The following IGF1R variants were observed in gnomAD, a reference collection of about 807,000 sequenced individuals.
The protein encoded by IGF1R is insulin-like growth factor 1 receptor.
In IGF1R, 44 loss-of-function variants were observed where a neutral mutation model predicts 144.6. The observed-to-expected ratio is 0.30, with a 90% CI of 0.24 to 0.39. IGF1R has a LOEUF of 0.39. Ranked by LOEUF, IGF1R falls within the 10% of genes least tolerant of loss-of-function variation. IGF1R has a pLI of 1.00. For missense variants in IGF1R, 1,355 were observed against 1,833.7 expected, an observed-to-expected ratio of 0.74 and a Z score of 4.77; for synonymous variants, 795 against 722.8, an observed-to-expected ratio of 1.10 and a Z score of -1.60.
rs1177347869 is a variant in IGF1R at position 98,959,954 on chromosome 15, T to C, written c.*2512T>C. On this transcript the variant is annotated 3_prime_UTR_variant, in exon 21 of 21. Transcript: ENST00000650285. ...CTGTAGAAAAGCCCCATTATGAATT[T>C]AAATTTCAAGGAAAGGGTGTGTGTG... is the stretch of plus-strand genomic sequence containing the variant. The C allele has an allele frequency of 2.2e-5, 5 of 227,368 alleles. No individual in the cohort carries two copies. The East Asian group carries it at 3.1e-4, about 14-fold the overall frequency. 14.1% of individuals were successfully genotyped at this position (227,368 alleles called of 1,614,324 possible). A position where few individuals can be genotyped will look rare whatever the true frequency, so the allele number is the denominator to read the frequency against.
intron 1 of IGF1R, among the ~76,000 whole-genome samples, chr15:98,654,336 A>T (rs1335348657): frequency 6.6e-6 from 1 of 152,146 alleles, no homozygotes; most frequent in Non-Finnish European, 1.5e-5. Context: ...GCCTTTTTCC[A>T]AAAATTAGGA....
chr15:98,948,369 A>G (rs1182826379), intron 19 of IGF1R, among the ~76,000 whole-genome samples: 1 of 152,192 alleles, frequency 6.6e-6, no homozygotes, highest in Non-Finnish European at 1.5e-5. Context: ...CCGGGGCTGA[A>G]TTTAGTTTAC....
rs4966015 is a variant in IGF1R, at chr15:98,704,903, G to T, written c.95-2659G>T. Among the ~76,000 whole-genome samples the T allele has an allele frequency of 0.18, 27,373 of 152,046 alleles. 2,666 individuals carry two copies. Among genetic ancestry groups the T allele is most frequent in the South Asian group, 0.25 (1,195 of 4,822 alleles). ...TGTTGCTGGACTAGATATGTGAGGT[G>T]TGAGAGGAGAGAAGAATCAGGAATG... On this transcript the variant is annotated intron_variant, in intron 1 of 20. Coordinates refer to ENST00000650285, the MANE Select transcript of IGF1R (RefSeq NM_000875.5). This position sits in a 1 kb window ranked among gnomAD's most constrained non-coding sequence, Gnocchi z 4.9.
intron 5 of IGF1R, among the ~76,000 whole-genome samples, chr15:98,904,191 A>G (rs954191289): frequency 2.6e-5 from 4 of 151,788 alleles, no homozygotes; most frequent in Admixed American, 2.0e-4. Context: ...AGCCGGGACT[A>G]CAGGCGCTCA....
chr15:98,653,484 A>G (rs2052418049), intron 1 of IGF1R, among the ~76,000 whole-genome samples: 1 of 152,190 alleles, frequency 6.6e-6, no homozygotes, highest in African/African-American at 2.4e-5. Flanking sequence ...TTTTCTTTGC[A>G]GTTTTATTTT....
intron 3 of IGF1R, among the ~76,000 whole-genome samples, chr15:98,892,407 A>G (rs771395508): frequency 5.3e-5 from 8 of 150,494 alleles, no homozygotes; most frequent in Non-Finnish European, 1.2e-4. Flanking sequence ...AAAAATTAGC[A>G]CCTGTAGTCC....
At chr15:98,844,010 A>G (rs1813894823) in intron 2 of IGF1R, among the ~76,000 whole-genome samples, 2 of 152,222 alleles carry the variant, frequency 1.3e-5, no homozygotes, top group African/African-American at 4.8e-5. Context: ...TTGCTTAAAC[A>G]TTAATCAAAA....
chr15:98,698,506 TCTGA>T (rs1459164470), intron 1 of IGF1R, among the ~76,000 whole-genome samples: 1 of 152,224 alleles, frequency 6.6e-6, no homozygotes, highest in African/African-American at 2.4e-5. Context: ...TCTCCGTGAG[TCTGA>T]CTACTTTGAG....
chr15:98,651,945 A>G (rs769634074), intron 1 of IGF1R, among the ~76,000 whole-genome samples: 1 of 152,236 alleles, frequency 6.6e-6, no homozygotes, highest in Non-Finnish European at 1.5e-5. Flanking sequence ...GGAAGGTGCT[A>G]GACCACTTAA....
In IGF1R at chr15:98,891,484, A is replaced by C. The variant is rs200681134; in HGVS notation, c.800A>C (p.Asn267Thr). 45 of 1,613,970 alleles carry C rather than the reference A, an allele frequency of 2.8e-5. No individual in the cohort carries two copies. Among genetic ancestry groups the C allele is most frequent in the Non-Finnish European group, 3.7e-5 (44 of 1,180,032 alleles). The change falls in exon 3 of 21, where the codon AAC becomes ACC. Residue 267 changes from asparagine to threonine, a missense_variant. Asn to Thr is a moderately conservative substitution (Grantham distance 65). Coordinates refer to ENST00000650285, the MANE Select transcript of IGF1R (RefSeq NM_000875.5). The surrounding 1 kb of genome is among the most constrained non-coding windows in gnomAD (Gnocchi z 4.7). ...AGVCVPACPPNTYRFEGWRCV... is the reference protein window; with the variant it reads ...AGVCVPACPPTTYRFEGWRCV... Reference sequence around the variant, plus strand: ...GTCTGTGTGCCTGCCTGCCCGCCCAACACCTACAGGTTTGAGGGCTGGCGC... The same window carrying C: ...GTCTGTGTGCCTGCCTGCCCGCCCACCACCTACAGGTTTGAGGGCTGGCGC...
chr15:98,657,636 A>T (rs1381158902), intron 1 of IGF1R, among the ~76,000 whole-genome samples: 1 of 152,224 alleles, frequency 6.6e-6, no homozygotes, highest in Non-Finnish European at 1.5e-5. Flanking sequence ...GTGGATAATG[A>T]GTTCACTGCA....
intron 19 of IGF1R, among the ~76,000 whole-genome samples, chr15:98,943,535 A>T (rs906638261): frequency 6.6e-6 from 1 of 152,210 alleles, no homozygotes; most frequent in East Asian, 1.9e-4. Context: ...TTCAGTGGGC[A>T]TCCACCGTTG....
chr15:98,713,019 C>T (rs920336253), intron 2 of IGF1R, among the ~76,000 whole-genome samples: 1 of 151,572 alleles, frequency 6.6e-6, no homozygotes, highest in East Asian at 1.9e-4. Flanking sequence ...TCAACAGCTA[C>T]CCCGTGACAA....
chr15:98,829,275 C>T (rs1055568791), intron 2 of IGF1R, among the ~76,000 whole-genome samples: 7 of 151,944 alleles, frequency 4.6e-5, no homozygotes, highest in Non-Finnish European at 1.0e-4. Context: ...TCGTGTTACA[C>T]ATGTCTGAGA....
At chr15:98,700,447 G>A (rs897552493) in intron 1 of IGF1R, among the ~76,000 whole-genome samples, 1 of 152,118 alleles carries the variant, frequency 6.6e-6, no homozygotes, top group African/African-American at 2.4e-5. Flanking sequence ...TCTTTCCTAG[G>A]GCAGTGGGTC....
At chr15:98,955,735 T>G (rs2016953815) in intron 20 of IGF1R, among the ~76,000 whole-genome samples, 2 of 152,166 alleles carry the variant, frequency 1.3e-5, no homozygotes, top group Admixed American at 1.3e-4. Flanking sequence ...TTCTCTTACA[T>G]CAGGGGCCTC....
At chr15:98,841,040 C>T (rs898706867) in intron 2 of IGF1R, among the ~76,000 whole-genome samples, 3 of 152,140 alleles carry the variant, frequency 2.0e-5, no homozygotes, top group Admixed American at 6.5e-5. Flanking sequence ...GAATTACAGG[C>T]GTGAGCCACC....
intron 1 of IGF1R, among the ~76,000 whole-genome samples, chr15:98,687,763 G>C (rs1020001132): frequency 1.3e-5 from 2 of 152,216 alleles, no homozygotes; most frequent in Admixed American, 1.3e-4. Flanking sequence ...TGTAATTAAT[G>C]GTTAAGTTGG....
At position 98,929,680 on chromosome 15, in the gene IGF1R, A is replaced by T. The variant is rs772179751; in HGVS notation, c.2885+20A>T. ...AAAGAGGTCAGTGATGTGCAAAGTT[A>T]TGACACTTTCTGTGGCTGAGTGGTT... On this transcript the variant is annotated intron_variant, in intron 14 of 20. Coordinates refer to ENST00000650285, the MANE Select transcript of IGF1R (RefSeq NM_000875.5). 1.3e-6 allele frequency: 2 copies of T among 1,505,254 alleles called. No homozygotes were observed. Among genetic ancestry groups the T allele is most frequent in the Non-Finnish European group, 1.9e-6 (2 of 1,080,392 alleles). 93.2% of individuals were successfully genotyped at this position (1,505,254 alleles called of 1,614,324 possible).
Sources: gnomAD v4.1 joint callset for allele counts (sites outside exome capture counted in the v4.1 genomes callset) on GRCh38, gnomAD v4.1.1 for gene constraint, Gnocchi (gnomAD v3.1) non-coding constraint, MANE v1.5 for transcripts, NCBI Gene and HGNC (gene_info 2026-07-23, HGNC 2026-07-21) for gene names.